TAFA2: variants seen among roughly 807,000 people sequenced by gnomAD.
TAFA2 encodes TAFA chemokine like family member 2, also known as chemokine-like protein TAFA-2.
TAFA2 carries 7 observed loss-of-function variants against 18.8 expected under a neutral mutation model. That is an observed-to-expected ratio of 0.37 (90% confidence interval 0.21 to 0.70). TAFA2 has a LOEUF of 0.70. Among genes scored for constraint, TAFA2 ranks in the 30% least tolerant of loss-of-function variants. The probability of loss-of-function intolerance (pLI) is 0.53; values close to 1 mark genes in which losing one functional copy is unlikely to be tolerated. For missense variants in TAFA2, 122 were observed against 158.1 expected, an observed-to-expected ratio of 0.77 and a Z score of 1.23; for synonymous variants, 60 against 54.2, an observed-to-expected ratio of 1.11 and a Z score of -0.47.
chr12:62,158,384 CT>C (rs1254294806), intron 1 of TAFA2, among the ~76,000 whole-genome samples: 1 of 152,156 alleles, frequency 6.6e-6, no homozygotes, highest in Non-Finnish European at 1.5e-5. Context: ...TCTTTTGGTA[CT>C]AGTCTAAAAG....
chr12:61,799,639 G>A (rs1871325777), intron 2 of TAFA2, among the ~76,000 whole-genome samples: 1 of 152,082 alleles, frequency 6.6e-6, no homozygotes, highest in Admixed American at 6.6e-5. Context: ...TGGCTAACAC[G>A]GTGAAACCTC....
At chr12:62,129,841 C>T (rs531447841) in intron 1 of TAFA2, among the ~76,000 whole-genome samples, 18 of 152,032 alleles carry the variant, frequency 1.2e-4, no homozygotes, top group Admixed American at 7.2e-4. Context: ...GTCCGCTATA[C>T]GGCAAAATAC....
chr12:61,820,602 G>C (rs1872281986), intron 2 of TAFA2, among the ~76,000 whole-genome samples: 1 of 151,942 alleles, frequency 6.6e-6, no homozygotes, highest in Non-Finnish European at 1.5e-5. Context: ...AATAAAAAAA[G>C]ATAATTCGAT....
intron 4 of TAFA2, among the ~76,000 whole-genome samples, chr12:61,752,024 G>T (rs1869042074): frequency 6.6e-6 from 1 of 152,000 alleles, no homozygotes; most frequent in Admixed American, 6.6e-5. Context: ...TTAGTACAAA[G>T]TACAGGTTAA....
At chr12:62,077,078 T>C (rs1254060166) in intron 1 of TAFA2, among the ~76,000 whole-genome samples, 1 of 152,244 alleles carries the variant, frequency 6.6e-6, no homozygotes, top group African/African-American at 2.4e-5. Flanking sequence ...GATAATTATT[T>C]ATGGATCCAT....
chr12:61,749,683 T>C (rs947666581), intron 4 of TAFA2, among the ~76,000 whole-genome samples: 1 of 152,092 alleles, frequency 6.6e-6, no homozygotes, highest in Non-Finnish European at 1.5e-5. Context: ...ATGCATAAAG[T>C]GAAAGATTTC....
At chr12:62,182,022 G>T (rs1325717662) in intron 1 of TAFA2, among the ~76,000 whole-genome samples, 1 of 143,180 alleles carries the variant, frequency 7.0e-6, no homozygotes, top group Non-Finnish European at 1.5e-5. Context: ...AGCTACTCAA[G>T]TAGAACAAAA....
upstream of TAFA2, among the ~76,000 whole-genome samples, chr12:62,194,523 T>C (rs1461192513): frequency 6.6e-6 from 1 of 152,194 alleles, no homozygotes; most frequent in Non-Finnish European, 1.5e-5. Context: ...AGAACAGATA[T>C]ATAAATTAAT....
intron 2 of TAFA2, among the ~76,000 whole-genome samples, chr12:61,810,562 A>T (rs1871822870): frequency 6.6e-6 from 1 of 151,378 alleles, no homozygotes; most frequent in Admixed American, 6.6e-5. Context: ...AGTTTAAATA[A>T]TGTGGCAGAA....
intron 1 of TAFA2, among the ~76,000 whole-genome samples, chr12:62,022,568 C>A (rs142250011): frequency 2.6e-5 from 4 of 152,260 alleles, no homozygotes; most frequent in Non-Finnish European, 5.9e-5. Context: ...TGTATTAATT[C>A]ATTCAATCCT....
chr12:62,062,604 GT>G (rs1220329901), intron 1 of TAFA2, among the ~76,000 whole-genome samples: 1 of 152,090 alleles, frequency 6.6e-6, no homozygotes, highest in Non-Finnish European at 1.5e-5. Flanking sequence ...ATTTTCTGTT[GT>G]TGCCATAACA....
chr12:61,773,207 T>C (rs12301609), intron 2 of TAFA2, among the ~76,000 whole-genome samples: 8,617 of 151,836 alleles, frequency 0.057, 816 homozygotes, highest in African/African-American at 0.2. Context: ...AAATCATAGA[T>C]GATGTAAACA....
chr12:62,079,356 T>C (rs1868285055), intron 1 of TAFA2, among the ~76,000 whole-genome samples: 1 of 152,046 alleles, frequency 6.6e-6, no homozygotes, highest in African/African-American at 2.4e-5. Context: ...TGTGGCTTGA[T>C]AAAAGTTTAA....
At chr12:62,109,667 G>A (rs1306513135) in intron 1 of TAFA2, among the ~76,000 whole-genome samples, 1 of 152,114 alleles carries the variant, frequency 6.6e-6, no homozygotes, top group African/African-American at 2.4e-5. Context: ...GCAATGGTTT[G>A]TAGTTCTCCT....
chr12:62,175,317 A>T (rs776227135), intron 1 of TAFA2, among the ~76,000 whole-genome samples: 5 of 152,136 alleles, frequency 3.3e-5, no homozygotes, highest in Admixed American at 6.5e-5. Flanking sequence ...TGTGCTCTTC[A>T]ATAAGCCTGG....
At chr12:61,728,619 C>A (rs996086518) in intron 4 of TAFA2, among the ~76,000 whole-genome samples, 1 of 149,552 alleles carries the variant, frequency 6.7e-6, no homozygotes, top group Non-Finnish European at 1.5e-5. Context: ...TATGTAAGTC[C>A]TTATGTGTTA....
intron 2 of TAFA2, among the ~76,000 whole-genome samples, chr12:61,762,633 T>TTATATA (rs55985443): frequency 6.8e-6 from 1 of 147,582 alleles, no homozygotes; most frequent in African/African-American, 2.5e-5. Flanking sequence ...ATTTCATTTT[T>TTATATA]TATATATATA....
chr12:62,144,205 A>G lies in TAFA2; in HGVS notation c.-2+47054T>C, dbSNP rs76936601. Among the ~76,000 whole-genome samples the G allele has an allele frequency of 2.0e-4, 31 of 152,256 alleles. No homozygotes were observed. In the East Asian group the frequency reaches 5.6e-3, roughly 27 times the overall value. ...CTGTGTGTCCTTCTCTAGAAGATACATTTCAATATAGTACAGAGAATGAGA... is the reference window on the plus strand; with the variant it reads ...CTGTGTGTCCTTCTCTAGAAGATACGTTTCAATATAGTACAGAGAATGAGA... On this transcript the variant is annotated intron_variant, in intron 1 of 4. Transcript: ENST00000416284.
At chr12:61,761,865 T>G (rs1869562701) in intron 2 of TAFA2, among the ~76,000 whole-genome samples, 1 of 152,076 alleles carries the variant, frequency 6.6e-6, no homozygotes, top group South Asian at 2.1e-4. Flanking sequence ...ATGCTGAAGA[T>G]GGGTCCTGGT....
Sources: gnomAD v4.1 joint callset for allele counts (sites outside exome capture counted in the v4.1 genomes callset) on GRCh38, gnomAD v4.1.1 for gene constraint, MANE v1.5 for transcripts, NCBI Gene and HGNC (gene_info 2026-07-23, HGNC 2026-07-21) for gene names.